Variants in TBL1X observed in about 807,000 individuals in gnomAD.
TBL1X encodes the protein transducin beta like 1 X-linked.
In TBL1X, 10 loss-of-function variants were observed where a neutral mutation model predicts 50.7. The observed-to-expected ratio is 0.20, with a 90% CI of 0.12 to 0.33. The LOEUF (loss-of-function observed/expected upper bound fraction) is 0.33, where lower values mean the gene tolerates loss of function less well. TBL1X is among the 10% of genes least tolerant of loss of function. The pLI, the probability that TBL1X is intolerant of heterozygous loss-of-function variation, is 1.00. For missense variants in TBL1X, 340 were observed against 504.4 expected (o/e 0.67, Z 3.12); for synonymous variants, 190 against 214.7 (o/e 0.88, Z 1.01).
At chrX:9,629,161 TAATC>T (rs1468690321) in intron 2 of TBL1X, among the ~76,000 whole-genome samples, 4 of 112,744 alleles carry the variant, frequency 3.5e-5, no homozygotes, top group African/African-American at 6.4e-5. Context: ...GTGCACAGCT[TAATC>T]AATCTAATAT....
At chrX:9,467,965 T>A (rs1399140631) in intron 1 of TBL1X, among the ~76,000 whole-genome samples, 1 of 112,652 alleles carries the variant, frequency 8.9e-6, no homozygotes, top group Non-Finnish European at 1.9e-5. Flanking sequence ...TGACTTCAGA[T>A]GCCTGCGCCT....
At chrX:9,551,098 A>T in intron 2 of TBL1X, among the ~76,000 whole-genome samples, 1 of 111,634 alleles carries the variant, frequency 9.0e-6, no homozygotes, top group Non-Finnish European at 1.9e-5. Context: ...GTACATATAT[A>T]TACGTGTACA....
intron 2 of TBL1X, among the ~76,000 whole-genome samples, chrX:9,537,908 C>T (rs2082196910): frequency 8.9e-6 from 1 of 112,106 alleles, no homozygotes; most frequent in Non-Finnish European, 1.9e-5. Context: ...TGACCTGCAG[C>T]GAGTTGTCGG....
chrX:9,639,208 C>G (rs1208076015), intron 2 of TBL1X, among the ~76,000 whole-genome samples: 2 of 110,709 alleles, frequency 1.8e-5, no homozygotes, highest in African/African-American at 6.6e-5. Context: ...AAACATGACT[C>G]AGTGGGAATA....
At chrX:9,599,530 A>T (rs1268248268) in intron 2 of TBL1X, among the ~76,000 whole-genome samples, 1 of 112,155 alleles carries the variant, frequency 8.9e-6, no homozygotes, top group Non-Finnish European at 1.9e-5. Flanking sequence ...AGAGAAACAG[A>T]GACACACAAA....
At chrX:9,518,135 C>G (rs2082089854) in intron 2 of TBL1X, among the ~76,000 whole-genome samples, 1 of 109,848 alleles carries the variant, frequency 9.1e-6, no homozygotes, top group African/African-American at 3.3e-5. Flanking sequence ...AAAAACAGTA[C>G]CTTGTTGATA....
intron 2 of TBL1X, chrX:9,637,290 C>T (rs2082752424): frequency 8.9e-6 from 1 of 111,900 alleles, no homozygotes; most frequent in Admixed American, 9.4e-5. Context: ...AATAACTCCA[C>T]AGGAATCTTT....
intron 2 of TBL1X, among the ~76,000 whole-genome samples, chrX:9,529,955 T>G (rs1449841378): frequency 2.8e-5 from 3 of 108,689 alleles, no homozygotes; most frequent in Admixed American, 2.0e-4. Flanking sequence ...AAGAGAGAGA[T>G]AGAAAGAGAG....
At chrX:9,690,527 G>C (rs1301806049) in intron 7 of TBL1X, among the ~76,000 whole-genome samples, 1 of 111,588 alleles carries the variant, frequency 9.0e-6, no homozygotes, top group East Asian at 2.8e-4. Flanking sequence ...CTTTTACCCT[G>C]CTCACCTTTT....
intron 2 of TBL1X, among the ~76,000 whole-genome samples, chrX:9,608,292 T>C (rs965059464): frequency 4.5e-5 from 5 of 111,840 alleles, no homozygotes; most frequent in Non-Finnish European, 9.4e-5. Flanking sequence ...GGGTGTTGGG[T>C]TGCGATTAAT....
chrX:9,532,788 G>C (rs139843596), intron 2 of TBL1X, among the ~76,000 whole-genome samples: 276 of 111,173 alleles, frequency 2.5e-3, no homozygotes, highest in African/African-American at 8.7e-3. Flanking sequence ...GTTGGATTAG[G>C]GCCCGTCCTA....
At chrX:9,629,676 C>T (rs958486998) in intron 2 of TBL1X, among the ~76,000 whole-genome samples, 4 of 111,698 alleles carry the variant, frequency 3.6e-5, no homozygotes, top group East Asian at 2.8e-4. Context: ...AAAACACCAT[C>T]GTTTTCCTTG....
At chrX:9,709,582 C>T (rs1404554146) in intron 14 of TBL1X, 51 bp from the exon 15 acceptor site, 17 of 1,197,324 alleles carry the variant, frequency 1.4e-5, no homozygotes, top group Non-Finnish European at 1.9e-5. Context: ...CCACATCGTT[C>T]CCGGATGCAG....
intron 2 of TBL1X, among the ~76,000 whole-genome samples, chrX:9,587,374 G>A (rs183057084): frequency 7.1e-5 from 8 of 112,180 alleles, no homozygotes; most frequent in African/African-American, 2.6e-4. Context: ...CCCCTGCTGT[G>A]ACCCATTAGA....
chrX:9,581,851 A>G (rs2082444440), intron 2 of TBL1X, among the ~76,000 whole-genome samples: 1 of 111,959 alleles, frequency 8.9e-6, no homozygotes, highest in Non-Finnish European at 1.9e-5. Context: ...TGAGAGCTGG[A>G]GGCCTGCTGC....
intron 2 of TBL1X, among the ~76,000 whole-genome samples, chrX:9,597,834 G>A (rs1400532285): frequency 9.0e-6 from 1 of 111,692 alleles, no homozygotes; most frequent in Non-Finnish European, 1.9e-5. Context: ...TTGTTAATGA[G>A]TGTCACCGAT....
At chrX:9,654,460 A>G (rs1430226702) in intron 5 of TBL1X, 138 bp downstream of exon 5, 24 of 685,896 alleles carry the variant, frequency 3.5e-5, no homozygotes, top group Non-Finnish European at 5.1e-5. Flanking sequence ...GATGGGGAGA[A>G]GAGAAGGTTC....
rs755627605 is a variant in TBL1X at position 9,496,755 on chromosome X, A to G, written c.-200-5025A>G. On this transcript the variant is annotated intron_variant, in intron 1 of 17. Coordinates refer to ENST00000645353, the MANE Select transcript of TBL1X (RefSeq NM_005647.4). Reference sequence around the variant, plus strand: ...CATGGAGATGATTCTCACCTGGTTGATTGGATCAGACGTTCCTAGCCCGAA... The same window carrying G: ...CATGGAGATGATTCTCACCTGGTTGGTTGGATCAGACGTTCCTAGCCCGAA... 5.4e-5 allele frequency among the ~76,000 whole-genome samples: 6 copies of G among 111,961 alleles called. No individual in the cohort carries two copies. In the South Asian group the frequency reaches 1.1e-3, roughly 21 times the overall value.
intron 1 of TBL1X, among the ~76,000 whole-genome samples, chrX:9,484,795 A>G (rs1337919419): frequency 9.1e-6 from 1 of 109,313 alleles, no homozygotes; most frequent in Non-Finnish European, 1.9e-5. Flanking sequence ...GTTAAAACAC[A>G]GAGCATCCAG....
Sources: gnomAD v4.1 joint callset for allele counts (sites outside exome capture counted in the v4.1 genomes callset) on GRCh38, gnomAD v4.1.1 for gene constraint, MANE v1.5 for transcripts, NCBI Gene and HGNC (gene_info 2026-07-23, HGNC 2026-07-21) for gene names.